MSRB3: variants seen among roughly 807,000 people sequenced by gnomAD.
MSRB3 encodes the protein methionine-R-sulfoxide reductase B3.
A neutral mutation model predicts 21.0 loss-of-function variants in MSRB3; 13 were observed. The ratio of observed to expected loss-of-function variants is 0.62; its 90% CI spans 0.40 to 0.98. The LOEUF is 0.98. Ranked by LOEUF, MSRB3 falls within the 50% of genes least tolerant of loss-of-function variation. The pLI is 0.00. For synonymous variants in MSRB3, 87 were observed against 88.6 expected, an observed-to-expected ratio of 0.98 and a Z score of 0.10; for missense variants, 199 against 230.3, an observed-to-expected ratio of 0.86 and a Z score of 0.88.
chr12:65,390,348 C>T (rs1281305547), intron 5 of MSRB3, among the ~76,000 whole-genome samples: 4 of 152,062 alleles, frequency 2.6e-5, no homozygotes, highest in Non-Finnish European at 5.9e-5. Flanking sequence ...CAGTACACTA[C>T]GCTGTTTGTA....
In MSRB3 at chr12:65,466,731, A is replaced by C. The variant is rs1209941069; in HGVS notation, c.*3409A>C. The C allele has an allele frequency of 6.6e-6, 1 of 152,194 alleles. No individual in the cohort carries two copies. Among genetic ancestry groups the C allele is most frequent in the African/African-American group, 2.4e-5 (1 of 41,454 alleles). 9.4% of individuals were successfully genotyped at this position (152,194 alleles called of 1,614,324 possible). ...TGCTTTAAATACAAAACAAATGGTA[A>C]AGGGGATTATCTTTTGTTTAGATGG... On this transcript the variant is annotated 3_prime_UTR_variant, in exon 7 of 7. Coordinates refer to ENST00000308259, the MANE Select transcript of MSRB3 (RefSeq NM_001031679.3).
At chr12:65,431,868 G>T (rs75528158) in intron 5 of MSRB3, among the ~76,000 whole-genome samples, 1,942 of 152,198 alleles carry the variant, frequency 0.013, 40 homozygotes, top group East Asian at 0.05. Flanking sequence ...AGAGACTGAA[G>T]TCTAAGTCTG....
intron 2 of MSRB3, among the ~76,000 whole-genome samples, chr12:65,319,362 T>G (rs948232892): frequency 9.9e-5 from 15 of 152,142 alleles, no homozygotes; most frequent in Admixed American, 8.5e-4. Context: ...TCTATTGGGA[T>G]GTCTAGATGT....
intron 5 of MSRB3, among the ~76,000 whole-genome samples, chr12:65,421,631 GCTT>G (rs1176869009): frequency 6.6e-6 from 1 of 152,138 alleles, no homozygotes; most frequent in Admixed American, 6.5e-5. Flanking sequence ...GCTAAACTAA[GCTT>G]CTTCAGTGAA....
intron 5 of MSRB3, among the ~76,000 whole-genome samples, chr12:65,435,579 C>T (rs183245419): frequency 7.2e-5 from 11 of 151,916 alleles, no homozygotes; most frequent in African/African-American, 2.7e-4. Flanking sequence ...AAAATTTGTA[C>T]ACCTGTTTGT....
At chr12:65,380,409 C>T (rs1180244422) in intron 5 of MSRB3, among the ~76,000 whole-genome samples, 1 of 152,022 alleles carries the variant, frequency 6.6e-6, no homozygotes, top group South Asian at 2.1e-4. Context: ...AAACCCATCT[C>T]TACTAAAAAT....
intron 1 of MSRB3, 115 bp downstream of exon 1, chr12:65,278,980 C>T: frequency 6.7e-7 from 1 of 1,492,290 alleles, no homozygotes; most frequent in Admixed American, 2.1e-5. Flanking sequence ...TGCGCCCCCT[C>T]GGCCACCTGC....
chr12:65,356,773 G>T (rs1401720145), intron 4 of MSRB3, among the ~76,000 whole-genome samples: 2 of 151,854 alleles, frequency 1.3e-5, no homozygotes, highest in African/African-American at 4.8e-5. Flanking sequence ...AAAGGTTAAT[G>T]TAATTCAGAT....
chr12:65,299,074 CTCTT>C (rs991040005), intron 1 of MSRB3, among the ~76,000 whole-genome samples: 1 of 152,170 alleles, frequency 6.6e-6, no homozygotes, highest in Non-Finnish European at 1.5e-5. Flanking sequence ...GCAACTCCAC[CTCTT>C]TCTATTTCTG....
At chr12:65,317,167 C>A (rs1159486766) in intron 2 of MSRB3, among the ~76,000 whole-genome samples, 1 of 152,128 alleles carries the variant, frequency 6.6e-6, no homozygotes, top group Non-Finnish European at 1.5e-5. Context: ...ACTAGAAATT[C>A]ATCATTTCCC....
At chr12:65,441,357 G>T (rs1320103383) in intron 5 of MSRB3, among the ~76,000 whole-genome samples, 2 of 151,874 alleles carry the variant, frequency 1.3e-5, no homozygotes, top group Admixed American at 6.6e-5. Flanking sequence ...TGGAATGTAG[G>T]CAGTTGTTTG....
intron 6 of MSRB3, 117 bp from the exon 7 acceptor site, chr12:65,463,038 C>G: frequency 2.4e-6 from 3 of 1,257,728 alleles, no homozygotes; most frequent in South Asian, 2.4e-5. Context: ...AAATCATCCA[C>G]GATGGTTTCC....
chr12:65,437,939 T>C (rs1332809657), intron 5 of MSRB3, among the ~76,000 whole-genome samples: 1 of 151,928 alleles, frequency 6.6e-6, no homozygotes, highest in Non-Finnish European at 1.5e-5. Flanking sequence ...CTGGAATTAC[T>C]GTAGCCGTTG....
chr12:65,363,898 A>G (rs562635321), intron 4 of MSRB3, among the ~76,000 whole-genome samples: 1 of 152,294 alleles, frequency 6.6e-6, no homozygotes, highest in South Asian at 2.1e-4. Flanking sequence ...AGGCAGGAGA[A>G]TTGCTTGAAC....
At position 65,290,480 on chromosome 12, in the gene MSRB3, A is replaced by G. The variant is rs188003124; in HGVS notation, c.-52+11615A>G. Among the ~76,000 whole-genome samples the G allele has an allele frequency of 1.1e-3, 166 of 152,288 alleles. 1 individual carries two copies. The highest frequency in any genetic ancestry group is 3.9e-3 in the African/African-American group (160 of 41,552). On this transcript the variant is annotated intron_variant, in intron 1 of 6. Coordinates refer to ENST00000308259, the MANE Select transcript of MSRB3 (RefSeq NM_001031679.3). ...GAGAATGGCCCTAGTGTGATGTTCA[A>G]ATGGGTTCTACTGTACGACACCGGT...
At chr12:65,373,606 C>G (rs1207190432) in intron 5 of MSRB3, among the ~76,000 whole-genome samples, 1 of 151,796 alleles carries the variant, frequency 6.6e-6, no homozygotes, top group East Asian at 1.9e-4. Context: ...AATAGCTATA[C>G]TAAGGAAATG....
At chr12:65,419,128 G>A (rs778992054) in intron 5 of MSRB3, 20 of 682,406 alleles carry the variant, frequency 2.9e-5, no homozygotes, top group Non-Finnish European at 5.1e-5. Flanking sequence ...CAGCTCATCT[G>A]TTGAGAGCAT....
intron 4 of MSRB3, among the ~76,000 whole-genome samples, chr12:65,353,312 G>A (rs1321083949): frequency 6.6e-6 from 1 of 152,118 alleles, no homozygotes; most frequent in Admixed American, 6.6e-5. Context: ...TCTGTCTAAT[G>A]TTGACAGTGG....
intron 1 of MSRB3, among the ~76,000 whole-genome samples, chr12:65,301,667 A>G (rs545571924): frequency 1.3e-4 from 20 of 152,218 alleles, no homozygotes; most frequent in Non-Finnish European, 1.2e-4. Flanking sequence ...AATGGGTTTT[A>G]ATGTAACAGT....
Sources: allele counts gnomAD v4.1 joint callset (sites outside exome capture counted in the v4.1 genomes callset), GRCh38; gene constraint gnomAD v4.1.1; transcripts MANE v1.5; gene names NCBI Gene and HGNC (gene_info 2026-07-23, HGNC 2026-07-21).